ARHGAP44: variants seen among roughly 807,000 people sequenced by gnomAD.
ARHGAP44 encodes the protein rho GTPase-activating protein 44.
A neutral mutation model predicts 106.8 loss-of-function variants in ARHGAP44; 43 were observed. The ratio of observed to expected loss-of-function variants is 0.40; its 90% confidence interval spans 0.32 to 0.52. The LOEUF is 0.52. ARHGAP44 is among the 20% of genes least tolerant of loss of function. ARHGAP44 has a pLI of 0.48. For missense variants in ARHGAP44, 866 were observed against 1,050.5 expected, an observed-to-expected ratio of 0.82 and a Z score of 2.43; for synonymous variants, 439 against 410.3, an observed-to-expected ratio of 1.07 and a Z score of -0.85.
At chr17:12,900,756 A>G (rs904291688) in intron 3 of ARHGAP44, among the ~76,000 whole-genome samples, 2 of 151,998 alleles carry the variant, frequency 1.3e-5, no homozygotes, top group African/African-American at 4.8e-5. Context: ...TCTTAGTGCC[A>G]AGAAGAAGTG....
chr17:12,823,254 C>T (rs2034824868), intron 1 of ARHGAP44, among the ~76,000 whole-genome samples: 1 of 152,176 alleles, frequency 6.6e-6, no homozygotes. Flanking sequence ...GACTCTAACG[C>T]AGGTTGGTAC....
intron 3 of ARHGAP44, among the ~76,000 whole-genome samples, chr17:12,898,420 ATGT>A (rs1222579320): frequency 6.6e-6 from 1 of 152,206 alleles, no homozygotes; most frequent in Non-Finnish European, 1.5e-5. Flanking sequence ...AGGGCCCAAG[ATGT>A]TGTCAGAGCA....
intron 12 of ARHGAP44, among the ~76,000 whole-genome samples, chr17:12,950,784 G>A (rs183595511): frequency 5.6e-4 from 85 of 152,250 alleles, no homozygotes; most frequent in African/African-American, 2.0e-3. Context: ...AGCCACCTTA[G>A]CCAGGGGCCT....
chr17:12,966,827 C>T (rs1272788891), intron 16 of ARHGAP44, among the ~76,000 whole-genome samples: 4 of 152,308 alleles, frequency 2.6e-5, no homozygotes, highest in Non-Finnish European at 5.9e-5. Context: ...TGACACCTCC[C>T]CTGGCTAGGA....
chr17:12,972,685 G>A (rs999248189), intron 16 of ARHGAP44, among the ~76,000 whole-genome samples: 3 of 149,534 alleles, frequency 2.0e-5, no homozygotes, highest in Non-Finnish European at 4.4e-5. Context: ...TTTTTGAGAC[G>A]GAGTCTCACT....
chr17:12,973,783 G>A (rs144969754), intron 17 of ARHGAP44: 15 of 538,402 alleles, frequency 2.8e-5, no homozygotes, highest in African/African-American at 2.7e-4. Flanking sequence ...CCATCATCCT[G>A]AGCTGGCTTT....
At chr17:12,909,071 A>C in intron 4 of ARHGAP44, 98 bp downstream of exon 4, 1 of 1,052,902 alleles carries the variant, frequency 9.5e-7, no homozygotes, top group Non-Finnish European at 1.4e-6. Flanking sequence ...CTGAATTCTC[A>C]CTGGGGACTT....
chr17:12,956,560 G>A (rs918745350), intron 14 of ARHGAP44, 95 bp from the exon 15 acceptor site: 3 of 1,024,396 alleles, frequency 2.9e-6, no homozygotes, highest in African/African-American at 3.1e-5. Context: ...CCAGTCCAGG[G>A]CCCCTTCCTG....
chr17:12,855,644 A>G (rs897684516), intron 1 of ARHGAP44, among the ~76,000 whole-genome samples: 2 of 152,244 alleles, frequency 1.3e-5, no homozygotes, highest in African/African-American at 4.8e-5. Flanking sequence ...TTGAATAACC[A>G]ATGGACCCAG....
intron 20 of ARHGAP44, among the ~76,000 whole-genome samples, chr17:12,989,417 G>C (rs754088120): frequency 3.9e-5 from 6 of 152,126 alleles, no homozygotes; most frequent in Non-Finnish European, 7.4e-5. Flanking sequence ...TCATCTTGCC[G>C]GGAAAAATGA....
chr17:12,841,940 A>G (rs748609723), intron 1 of ARHGAP44, among the ~76,000 whole-genome samples: 6 of 152,158 alleles, frequency 3.9e-5, no homozygotes, highest in Non-Finnish European at 7.3e-5. Context: ...GGTAGAAGGA[A>G]TAGTATATAC....
intron 1 of ARHGAP44, among the ~76,000 whole-genome samples, chr17:12,868,147 G>A (rs963261079): frequency 6.6e-6 from 1 of 152,142 alleles, no homozygotes; most frequent in Non-Finnish European, 1.5e-5. Context: ...TGAAAGAGGT[G>A]TCGGAGGGTC....
At chr17:12,843,743 C>T (rs1478621929) in intron 1 of ARHGAP44, among the ~76,000 whole-genome samples, 1 of 150,954 alleles carries the variant, frequency 6.6e-6, no homozygotes, top group Admixed American at 6.6e-5. Context: ...GCAACCACCA[C>T]CACCCAGGTT....
At chr17:12,978,964 A>G (rs2039765871) in intron 18 of ARHGAP44, among the ~76,000 whole-genome samples, 1 of 152,084 alleles carries the variant, frequency 6.6e-6, no homozygotes, top group Non-Finnish European at 1.5e-5. Context: ...GCTGGATTAC[A>G]GGCATGAGCC....
intron 18 of ARHGAP44, among the ~76,000 whole-genome samples, chr17:12,979,414 G>A (rs1031847043): frequency 2.0e-5 from 3 of 152,088 alleles, no homozygotes; most frequent in East Asian, 1.9e-4. Context: ...CACTGCCATC[G>A]ACCTTCACCT....
chr17:12,829,637 C>T (rs888766990), intron 1 of ARHGAP44, among the ~76,000 whole-genome samples: 6 of 152,110 alleles, frequency 3.9e-5, no homozygotes, highest in South Asian at 2.1e-4. Context: ...CTGACCTGTT[C>T]GTATTGACAT....
intron 1 of ARHGAP44, among the ~76,000 whole-genome samples, chr17:12,849,295 T>TG (rs1431622950): frequency 2.0e-5 from 3 of 152,022 alleles, no homozygotes; most frequent in Non-Finnish European, 4.4e-5. Context: ...TGAAAAGCGC[T>TG]GGGTGAAGCC....
In ARHGAP44 at chr17:12,942,292, G is replaced by A. The variant is rs190715123; in HGVS notation, c.651+1168G>A. Among the ~76,000 whole-genome samples the A allele has an allele frequency of 8.8e-4, 134 of 152,254 alleles. 1 individual carries two copies. The highest frequency in any genetic ancestry group is 3.0e-3 in the African/African-American group (126 of 41,560). On this transcript the variant is annotated intron_variant, in intron 8 of 20. Coordinates refer to ENST00000379672, the MANE Select transcript of ARHGAP44 (RefSeq NM_014859.6). ...CTCCTGACTAGCTGGGACTACAGGC[G>A]CATGCCGCCATGCCCAGCTAATTTT...
chr17:12,990,255 A>G lies in ARHGAP44; in HGVS notation c.*84A>G, dbSNP rs965567635. ...CAGGAGCAGCGTCCATGAGCTTGCCAAGTGTTCTCTGCTGGCTCTTTCCTG... is the reference window on the plus strand; with the variant it reads ...CAGGAGCAGCGTCCATGAGCTTGCCGAGTGTTCTCTGCTGGCTCTTTCCTG... On this transcript the variant is annotated 3_prime_UTR_variant, in exon 21 of 21. Transcript: ENST00000379672. 11 of 1,504,918 alleles carry G rather than the reference A, an allele frequency of 7.3e-6. No homozygotes were observed. The highest frequency in any genetic ancestry group is 1.4e-5 in the African/African-American group (1 of 72,532). 93.2% of individuals were successfully genotyped at this position (1,504,918 alleles called of 1,614,324 possible).
Sources: gnomAD v4.1 joint callset for allele counts (sites outside exome capture counted in the v4.1 genomes callset) on GRCh38, gnomAD v4.1.1 for gene constraint, MANE v1.5 for transcripts, NCBI Gene and HGNC (gene_info 2026-07-23, HGNC 2026-07-21) for gene names.